The following GRID2 variants were observed in gnomAD, a reference collection of about 807,000 sequenced individuals.
The protein encoded by GRID2 is glutamate ionotropic receptor delta type subunit 2.
A neutral mutation model predicts 114.8 loss-of-function variants in GRID2; 33 were observed. The ratio of observed to expected loss-of-function variants is 0.29; its 90% CI spans 0.22 to 0.38. The LOEUF (loss-of-function observed/expected upper bound fraction) is 0.38. GRID2 is among the 10% of genes least tolerant of loss of function. The pLI, the probability that GRID2 is intolerant of heterozygous loss-of-function variation, is 1.00. For synonymous variants in GRID2, 505 were observed against 449.9 expected, an observed-to-expected ratio of 1.12 and a Z score of -1.55; for missense variants, 1,184 against 1,257.7, an observed-to-expected ratio of 0.94 and a Z score of 0.89.
At chr4:93,023,750 T>C (rs1201444830) in intron 2 of GRID2, among the ~76,000 whole-genome samples, 3 of 151,870 alleles carry the variant, frequency 2.0e-5, no homozygotes, top group Non-Finnish European at 4.4e-5. Flanking sequence ...CGGAATATGA[T>C]GGGTGTTACA....
chr4:92,762,193 G>A (rs1240384199), intron 2 of GRID2, among the ~76,000 whole-genome samples: 2 of 152,044 alleles, frequency 1.3e-5, no homozygotes, highest in African/African-American at 2.4e-5. Flanking sequence ...GATTACAGGC[G>A]TGAGCCACCG....
chr4:93,653,474 A>G (rs1029599024), intron 14 of GRID2, among the ~76,000 whole-genome samples: 2 of 152,156 alleles, frequency 1.3e-5, no homozygotes, highest in Non-Finnish European at 2.9e-5. Context: ...CACATTCTAT[A>G]ATACCTATAT....
chr4:92,768,868 G>A (rs577788323), intron 2 of GRID2, among the ~76,000 whole-genome samples: 17 of 152,082 alleles, frequency 1.1e-4, no homozygotes, highest in Non-Finnish European at 1.3e-4. Context: ...GGGAATTGTG[G>A]GAGTTACAAT....
chr4:92,362,054 A>G (rs1159276883), intron 1 of GRID2, among the ~76,000 whole-genome samples: 1 of 152,052 alleles, frequency 6.6e-6, no homozygotes, highest in Non-Finnish European at 1.5e-5. Flanking sequence ...TGAGACACTT[A>G]GAAAATCAGA....
chr4:93,259,173 T>C (rs1394238530), intron 8 of GRID2, among the ~76,000 whole-genome samples: 2 of 151,824 alleles, frequency 1.3e-5, no homozygotes, highest in Non-Finnish European at 2.9e-5. Context: ...TGCATGATGA[T>C]AGGACAAGTA....
chr4:92,645,025 T>A (rs1219992584), intron 2 of GRID2, among the ~76,000 whole-genome samples: 1 of 151,542 alleles, frequency 6.6e-6, no homozygotes, highest in African/African-American at 2.4e-5. Context: ...AGATCTAGCT[T>A]CTAACATAAA....
At chr4:92,987,428 A>G (rs1356860688) in intron 2 of GRID2, among the ~76,000 whole-genome samples, 1 of 151,936 alleles carries the variant, frequency 6.6e-6, no homozygotes, top group Non-Finnish European at 1.5e-5. Flanking sequence ...AACAACTATT[A>G]TTTATAATGT....
chr4:92,468,621 CA>C (rs1027705129), intron 1 of GRID2, among the ~76,000 whole-genome samples: 7 of 151,956 alleles, frequency 4.6e-5, no homozygotes, highest in African/African-American at 1.7e-4. Context: ...GCCATGTAAA[CA>C]AAAAAACAAA....
chr4:92,592,274 T>C (rs1307237318), intron 2 of GRID2, among the ~76,000 whole-genome samples: 2 of 152,050 alleles, frequency 1.3e-5, no homozygotes, highest in Non-Finnish European at 2.9e-5. Flanking sequence ...TTAATAATTG[T>C]GAATTAACTT....
At chr4:93,648,198 G>C (rs1345292644) in intron 14 of GRID2, among the ~76,000 whole-genome samples, 2 of 152,170 alleles carry the variant, frequency 1.3e-5, no homozygotes, top group Non-Finnish European at 2.9e-5. Flanking sequence ...TATGATATTG[G>C]TTTAGCTATG....
At chr4:93,259,736 T>C (rs964047574) in intron 8 of GRID2, among the ~76,000 whole-genome samples, 16 of 151,812 alleles carry the variant, frequency 1.1e-4, no homozygotes, top group African/African-American at 3.1e-4. Context: ...TTCAATTCAT[T>C]TTATAAAGAA....
chr4:93,324,155 G>T (rs1159669759), intron 8 of GRID2, among the ~76,000 whole-genome samples: 3 of 152,050 alleles, frequency 2.0e-5, no homozygotes, highest in Admixed American at 2.0e-4. Flanking sequence ...TCCAGTTTTT[G>T]TCCATTCAGT....
intron 8 of GRID2, among the ~76,000 whole-genome samples, chr4:93,296,305 A>G (rs111696507): frequency 0.091 from 7,368 of 81,256 alleles, 540 homozygotes; most frequent in African/African-American, 0.27. Context: ...CCCCCCTCCC[A>G]CCCCACAGAT....
chr4:93,663,651 C>T (rs1272087379), intron 14 of GRID2, among the ~76,000 whole-genome samples: 4 of 152,096 alleles, frequency 2.6e-5, no homozygotes, highest in African/African-American at 4.8e-5. Context: ...GGAGCATTTA[C>T]GTAAACCTCA....
chr4:93,504,996 A>G (rs1728490950), intron 12 of GRID2, among the ~76,000 whole-genome samples: 1 of 152,098 alleles, frequency 6.6e-6, no homozygotes, highest in East Asian at 1.9e-4. Flanking sequence ...TGAGAACAAA[A>G]TAGTGTTTTC....
At chr4:93,229,865 G>C (rs1312139214) in intron 7 of GRID2, among the ~76,000 whole-genome samples, 2 of 152,044 alleles carry the variant, frequency 1.3e-5, no homozygotes, top group Non-Finnish European at 2.9e-5. Flanking sequence ...GGTAGAATAA[G>C]TGCCTCCTCA....
intron 14 of GRID2, among the ~76,000 whole-genome samples, chr4:93,682,925 G>A (rs139660428): frequency 0.049 from 7,280 of 147,672 alleles, 236 homozygotes; most frequent in African/African-American, 0.092. Context: ...AAAACTTAAA[G>A]TATAATAATA....
chr4:92,629,575 C>A (rs1195436798), intron 2 of GRID2, among the ~76,000 whole-genome samples: 8 of 151,994 alleles, frequency 5.3e-5, no homozygotes, highest in East Asian at 1.9e-4. Context: ...GACACAATTT[C>A]TTTTCCTCAA....
Position 93,456,083 on chromosome 4 carries a change from A to C in GRID2, c.1858+109A>C, listed in dbSNP as rs71599283. 3.9e-3 allele frequency: 2,679 copies of C among 678,426 alleles called. 5 individuals are homozygous for C. The highest frequency in any genetic ancestry group is 6.1e-3 in the Non-Finnish European group (2,382 of 387,580). 42.0% of individuals were successfully genotyped at this position (678,426 alleles called of 1,614,324 possible). Reference sequence around the variant, plus strand: ...GTATCTGACATCAATAAGTGTTCTAAAGGGTACTCACAGAAATGCTCAGAA... The same window carrying C: ...GTATCTGACATCAATAAGTGTTCTACAGGGTACTCACAGAAATGCTCAGAA... On this transcript the variant is annotated intron_variant, in intron 11 of 15. Transcript: ENST00000282020.
Sources: allele counts gnomAD v4.1 joint callset (sites outside exome capture counted in the v4.1 genomes callset), GRCh38; gene constraint gnomAD v4.1.1; transcripts MANE v1.5; gene names NCBI Gene and HGNC (gene_info 2026-07-23, HGNC 2026-07-21).